HSPA12B: variants seen among roughly 807,000 people sequenced by gnomAD.
The protein encoded by HSPA12B is heat shock 70 kDa protein 12B.
A neutral mutation model predicts 69.3 loss-of-function variants in HSPA12B; 54 were observed. The observed-to-expected ratio is 0.78, with a 90% CI of 0.63 to 0.98. HSPA12B has a LOEUF of 0.98. Ranked by LOEUF, HSPA12B falls within the 50% of genes least tolerant of loss-of-function variation. HSPA12B has a pLI of 0.00. For missense variants in HSPA12B, 929 were observed against 999.8 expected (o/e 0.93, Z 0.96); for synonymous variants, 441 against 436.5 (o/e 1.01, Z -0.13).
At position 3,744,819 on chromosome 20, in the gene HSPA12B, T is replaced by A. The variant is rs2088265812; in HGVS notation, c.267-83T>A. ...AGTTCTCCCTGCTCTTTCACATCTG[T>A]AAGTTTTTGCACATGCTGTTCCCTC... On this transcript the variant is annotated intron_variant, in intron 4 of 12. Transcript: ENST00000254963. This position sits in a 1 kb window ranked among gnomAD's most constrained non-coding sequence, Gnocchi z 4.9. The A allele has an allele frequency of 7.4e-7, 1 of 1,342,490 alleles. No homozygotes were observed. Among genetic ancestry groups the A allele is most frequent in the Admixed American group, 1.9e-5 (1 of 52,672 alleles). The allele number at this position is 1,342,490 out of a possible 1,614,324, so 83.2% of individuals were successfully genotyped here.
At position 3,750,162 on chromosome 20, in the gene HSPA12B, C is replaced by T. The variant is rs747268390; in HGVS notation, c.1236C>T (p.Phe412=). The stretch of plus-strand genomic sequence containing the variant: ...GGGCGCTCAACATCTCGCTGCCCTT[C>T]TCCTTCATTGACTTCTACCGCAAGC... The part of the protein sequence containing the change: ...RAGALNISLP[F]SFIDFYRKQR... Residue 412 remains phenylalanine, a synonymous_variant, in exon 11 of 13, where the codon TTC becomes TTT. Coordinates refer to ENST00000254963, the MANE Select transcript of HSPA12B (RefSeq NM_052970.5). 2 of 1,611,644 alleles carry T rather than the reference C, an allele frequency of 1.2e-6. No homozygotes were observed. The highest frequency in any genetic ancestry group is 8.5e-7 in the Non-Finnish European group (1 of 1,179,220).
chr20:3,749,451 C>G lies in HSPA12B; in HGVS notation c.937+133C>G. ...TGTACCCAACCTGGCCGTCCCCTCA[C>G]AGTCACCCGCACCCCCACCCCACTC... On this transcript the variant is annotated intron_variant, in intron 9 of 12. Coordinates refer to ENST00000254963, the MANE Select transcript of HSPA12B (RefSeq NM_052970.5). The surrounding 1 kb of genome is among the most constrained non-coding windows in gnomAD (Gnocchi z 5.5). 1 of 814,788 alleles carries G rather than the reference C, an allele frequency of 1.2e-6. No homozygotes were observed. Among genetic ancestry groups the G allele is most frequent in the South Asian group, 1.7e-5 (1 of 59,846 alleles). The allele number at this position is 814,788 out of a possible 1,614,324, so 50.5% of individuals were successfully genotyped here.
chr20:3,739,731 A>G (rs1433278784), intron 2 of HSPA12B, among the ~76,000 whole-genome samples: 1 of 151,670 alleles, frequency 6.6e-6, no homozygotes, highest in East Asian at 1.9e-4. Flanking sequence ...TTCCCAGGTT[A>G]CCCCCAAGGC....
Position 3,750,148 on chromosome 20 carries a change from A to G in HSPA12B, c.1222A>G (p.Ile408Val), listed in dbSNP as rs1390229313. ...CCCACACCGTGCAGGGGCGCTCAACATCTCGCTGCCCTTCTCCTTCATTGA... is the reference window on the plus strand; with the variant it reads ...CCCACACCGTGCAGGGGCGCTCAACGTCTCGCTGCCCTTCTCCTTCATTGA... ...AGPHRAGALN[I>V]SLPFSFIDFY... is the part of the protein sequence containing the mutation. Residue 408 changes from isoleucine (I) to valine (V), a missense_variant, in exon 11 of 13, where the codon ATC becomes GTC. This residue lies in a region of HSPA12B where 448 missense variants were observed against 448.1 expected (regional missense o/e 1.00). Transcript: ENST00000254963. The G allele has an allele frequency of 6.2e-7, 1 of 1,611,586 alleles. No individual in the cohort carries two copies. The highest frequency in any genetic ancestry group is 8.5e-7 in the Non-Finnish European group (1 of 1,179,250).
Position 3,740,064 on chromosome 20 carries a change from C to T in HSPA12B, c.44-751C>T, listed in dbSNP as rs2088172536. ...CCTCCAGGGCTACTCCACTCCCTCC[C>T]ACCAAAGGTCCAGCTCAGTCCCAGG... On this transcript the variant is annotated intron_variant, in intron 2 of 12. Coordinates refer to ENST00000254963, the MANE Select transcript of HSPA12B (RefSeq NM_052970.5). The surrounding 1 kb of genome is among the most constrained non-coding windows in gnomAD (Gnocchi z 4.9). 6.6e-6 allele frequency among the ~76,000 whole-genome samples: 1 copy of T among 152,208 alleles called. No individual in the cohort carries two copies. The highest frequency in any genetic ancestry group is 1.5e-5 in the Non-Finnish European group (1 of 68,024).
Position 3,745,534 on chromosome 20 carries a change from G to A in HSPA12B, c.495G>A (p.Lys165=), listed in dbSNP as rs1366417127. 3 of 1,614,086 alleles carry A rather than the reference G, an allele frequency of 1.9e-6. No individual in the cohort carries two copies. Among genetic ancestry groups the A allele is most frequent in the Non-Finnish European group, 2.5e-6 (3 of 1,180,042 alleles). Residue 165 remains lysine, a synonymous_variant, in exon 6 of 13, where the codon AAG becomes AAA. Coordinates refer to ENST00000254963, the MANE Select transcript of HSPA12B (RefSeq NM_052970.5). This position sits in a 1 kb window ranked among gnomAD's most constrained non-coding sequence, Gnocchi z 5.6. ...LKTQLEAVNG[K]TMPALEVFAH... Reference sequence around the variant, plus strand: ...CCCAGCTAGAGGCAGTAAATGGAAAGACGATGCCCGCCCTGGAGGTGTTCG... The same window carrying A: ...CCCAGCTAGAGGCAGTAAATGGAAAAACGATGCCCGCCCTGGAGGTGTTCG...
rs1279705566 is a variant in HSPA12B at position 3,737,511 on chromosome 20, T to C, written c.-17-1147T>C. On this transcript the variant is annotated intron_variant, in intron 1 of 12. Coordinates refer to ENST00000254963, the MANE Select transcript of HSPA12B (RefSeq NM_052970.5). This position sits in a 1 kb window ranked among gnomAD's most constrained non-coding sequence, Gnocchi z 4.1. ...CTCTTGCTCACTCCTCACCTAAGCT[T>C]ACCTCCCTTGGGCCACTAAAACAGT... Among the ~76,000 whole-genome samples, 1 of 152,044 alleles carries C rather than the reference T, an allele frequency of 6.6e-6. No individual in the cohort carries two copies. Among genetic ancestry groups the C allele is most frequent in the Non-Finnish European group, 1.5e-5 (1 of 68,000 alleles).
chr20:3,751,952 C>T lies in HSPA12B; in HGVS notation c.1847C>T (p.Ala616Val), dbSNP rs760676949. ...CTGTACTGCTGCGCGGCAGAGGATG[C>T]GCGCTTCATCACCGACCCCGGCGTG... Reference protein sequence around the residue: ...INLYCCAAEDARFITDPGVRK... With the variant: ...INLYCCAAEDVRFITDPGVRK... The change falls in exon 13 of 13, where the codon GCG becomes GTG. Residue 616 changes from alanine (A) to valine (V), a missense_variant. Ala to Val is a moderately conservative substitution (Grantham distance 64, BLOSUM62 0). Coordinates refer to ENST00000254963, the MANE Select transcript of HSPA12B (RefSeq NM_052970.5). The T allele has an allele frequency of 3.8e-6, 6 of 1,582,834 alleles. No individual in the cohort carries two copies. Among genetic ancestry groups the T allele is most frequent in the Admixed American group, 1.7e-5 (1 of 57,562 alleles).
chr20:3,735,743 G>A (rs1329013284), intron 1 of HSPA12B, among the ~76,000 whole-genome samples: 1 of 152,176 alleles, frequency 6.6e-6, no homozygotes, highest in Non-Finnish European at 1.5e-5. Context: ...TGGGATTACA[G>A]GAGTGAGCCA....
Position 3,751,682 on chromosome 20 carries a change from T to C in HSPA12B, c.1577T>C (p.Leu526Pro). The C allele has an allele frequency of 6.7e-7, 1 of 1,495,452 alleles. No homozygotes were observed. Among genetic ancestry groups the C allele is most frequent in the Non-Finnish European group, 8.9e-7 (1 of 1,126,276 alleles). 92.6% of individuals were successfully genotyped at this position (1,495,452 alleles called of 1,614,324 possible). The change falls in exon 13 of 13, where the codon CTG (leucine) becomes CCG (proline). Residue 526 changes from leucine (L) to proline (P), a missense_variant. Coordinates refer to ENST00000254963, the MANE Select transcript of HSPA12B (RefSeq NM_052970.5). ...VGLTILKGAV[L>P]FGQAPGVVRV... is the part of the protein sequence containing the mutation. ...CTCACCATCCTCAAAGGCGCGGTGC[T>C]GTTCGGCCAGGCGCCGGGCGTGGTG...
rs1335677590 is a variant in HSPA12B at position 3,750,006 on chromosome 20, C to T, written c.1080C>T (p.Phe360=). 10 of 1,585,764 alleles carry T rather than the reference C, an allele frequency of 6.3e-6. No homozygotes were observed. The highest frequency in any genetic ancestry group is 1.1e-5 in the South Asian group (1 of 87,476). The stretch of plus-strand genomic sequence containing the variant: ...GCGCGGTGGGCGTGGACCTGGCCTT[C>T]GAGCAGCTGCTGTGCCGCATCTTCG... ...PYGAVGVDLA[F]EQLLCRIFGE... Residue 360 remains phenylalanine (F), a synonymous_variant, in exon 11 of 13, where the codon TTC becomes TTT. Transcript: ENST00000254963.
Position 3,740,845 on chromosome 20 carries a change from G to A in HSPA12B, c.74G>A (p.Ser25Asn). ...AGCCCGGAGCGGTCCCCAGTGCCTA[G>A]CCCACCCGGCTCCCCGAGGACCCAG... ...GSSPERSPVP[S>N]PPGSPRTQES... Residue 25 changes from serine (S) to asparagine (N), a missense_variant, in exon 3 of 13, where the codon AGC becomes AAC. Physicochemically the swap from Ser to Asn is conservative, Grantham distance 46. This residue lies in a region of HSPA12B where 477 missense variants were observed against 535.2 expected (regional missense o/e 0.89). Coordinates refer to ENST00000254963, the MANE Select transcript of HSPA12B (RefSeq NM_052970.5). The surrounding 1 kb of genome is among the most constrained non-coding windows in gnomAD (Gnocchi z 4.9). 6.2e-7 allele frequency: 1 copy of A among 1,613,830 alleles called. No homozygotes were observed. Among genetic ancestry groups the A allele is most frequent in the Non-Finnish European group, 8.5e-7 (1 of 1,179,960 alleles).
intron 1 of HSPA12B, among the ~76,000 whole-genome samples, chr20:3,736,749 G>A (rs905539849): frequency 6.6e-6 from 1 of 152,200 alleles, no homozygotes; most frequent in African/African-American, 2.4e-5. Flanking sequence ...TAGGCCAGAC[G>A]CGGTGGCTTA....
Position 3,751,836 on chromosome 20 carries a change from C to T in HSPA12B, c.1731C>T (p.Phe577=), listed in dbSNP as rs749125617. The T allele has an allele frequency of 5.2e-6, 8 of 1,538,348 alleles. No homozygotes were observed. The South Asian group carries it at 9.5e-5, about 18-fold the overall frequency. ...GGTGCACCGACGTCTTCGAGCGCTTCGTGGCCGCCGAGCAGTCGGTGGCCC... is the reference window on the plus strand; with the variant it reads ...GGTGCACCGACGTCTTCGAGCGCTTTGTGGCCGCCGAGCAGTCGGTGGCCC... ...RRWCTDVFER[F]VAAEQSVALG... The change falls in exon 13 of 13, where the codon TTC becomes TTT. Residue 577 remains phenylalanine, a synonymous_variant. Transcript: ENST00000254963.
Position 3,752,179 on chromosome 20 carries a change from G to GC in HSPA12B, c.*14dup. 1 of 1,454,846 alleles carries GC rather than the reference G, an allele frequency of 6.9e-7. No homozygotes were observed. Among genetic ancestry groups the GC allele is most frequent in the Non-Finnish European group, 9.0e-7 (1 of 1,111,582 alleles). The allele number at this position is 1,454,846 out of a possible 1,614,324, so 90.1% of individuals were successfully genotyped here. On this transcript the variant is annotated 3_prime_UTR_variant, in exon 13 of 13. Transcript: ENST00000254963. ...TCTTTCCAACTGAGGGCGCGCCGGC[G>GC]CGGTGCCAGCGCCGTCTGCCCGGCC...
chr20:3,738,637 C>T (rs201248658), intron 1 of HSPA12B, 21 bp from the exon 2 acceptor site: 4 of 1,609,528 alleles, frequency 2.5e-6, no homozygotes, highest in Non-Finnish European at 3.4e-6. Context: ...TCCCACTCTG[C>T]TTGTCTGTTC....
Position 3,750,046 on chromosome 20 carries a change from G to T in HSPA12B, c.1120G>T (p.Ala374Ser). ...LCRIFGEDFI[A>S]TFKRQRPAAW... ...CCGCATCTTCGGCGAGGACTTCATC[G>T]CCACCTTCAAAAGGCAACGGCCGGC... Residue 374 changes from alanine to serine, a missense_variant, in exon 11 of 13, where the codon GCC (alanine) becomes TCC (serine). Transcript: ENST00000254963. 1 of 1,608,324 alleles carries T rather than the reference G, an allele frequency of 6.2e-7. No individual in the cohort carries two copies. Among genetic ancestry groups the T allele is most frequent in the Non-Finnish European group, 8.5e-7 (1 of 1,177,966 alleles).
rs1460110321 is a variant in HSPA12B, at chr20:3,738,634, C to T, written c.-17-24C>T. On this transcript the variant is annotated intron_variant, in intron 1 of 12. Coordinates refer to ENST00000254963, the MANE Select transcript of HSPA12B (RefSeq NM_052970.5). ...AACAAAGGGACAAATAAATCCCACT[C>T]TGCTTGTCTGTTCCTGTTGACAGCT... 3.1e-6 allele frequency: 5 copies of T among 1,608,552 alleles called. No individual in the cohort carries two copies. The East Asian group carries it at 8.9e-5, about 29-fold the overall frequency.
rs142510311 is a variant in HSPA12B at position 3,751,198 on chromosome 20, C to T, written c.1405+291C>T. 9.8e-4 allele frequency: 931 copies of T among 947,388 alleles called. 14 individuals are homozygous for T. The African/African-American group carries it at 0.016, about 16-fold the overall frequency. The allele number at this position is 947,388 out of a possible 1,614,324, so 58.7% of individuals were successfully genotyped here. ...CACAGGGATAAAATGAGCTGAAGTACCTAGAGTGAGCACAATGTCTTGCAC... is the reference window on the plus strand; with the variant it reads ...CACAGGGATAAAATGAGCTGAAGTATCTAGAGTGAGCACAATGTCTTGCAC... On this transcript the variant is annotated intron_variant, in intron 12 of 12. Transcript: ENST00000254963.
Sources: allele counts gnomAD v4.1 joint callset (sites outside exome capture counted in the v4.1 genomes callset), GRCh38; gene constraint gnomAD v4.1.1; regional missense constraint gnomAD v4.1.1; non-coding constraint Gnocchi (gnomAD v3.1); transcripts MANE v1.5; gene names NCBI Gene and HGNC (gene_info 2026-07-23, HGNC 2026-07-21).